The following KCNH7 variants were observed in gnomAD, a reference collection of about 807,000 sequenced individuals.
KCNH7 encodes the protein voltage-gated inwardly rectifying potassium channel KCNH7.
Under a neutral mutation model 120.8 loss-of-function variants are expected in KCNH7, and 49 were observed. The observed-to-expected ratio is 0.41, with a 90% CI of 0.32 to 0.51. The LOEUF is 0.51. KCNH7 is among the 20% of genes least tolerant of loss of function. The probability of loss-of-function intolerance (pLI) is 0.38; values close to 1 mark genes in which losing one functional copy is unlikely to be tolerated. For synonymous variants in KCNH7, 547 were observed against 516.1 expected (o/e 1.06, Z -0.81); for missense variants, 1,097 against 1,446.6 (o/e 0.76, Z 3.92).
chr2:162,751,684 TC>T (rs1688556192), intron 2 of KCNH7, among the ~76,000 whole-genome samples: 1 of 151,982 alleles, frequency 6.6e-6, no homozygotes, highest in Non-Finnish European at 1.5e-5. Flanking sequence ...ATTTATATTT[TC>T]CCATTTTAAG....
At chr2:162,504,124 GT>G (rs980399715) in intron 6 of KCNH7, among the ~76,000 whole-genome samples, 1 of 151,968 alleles carries the variant, frequency 6.6e-6, no homozygotes, top group African/African-American at 2.4e-5. Flanking sequence ...AAAAAACCAT[GT>G]TTTAATAATG....
At chr2:162,778,336 T>C (rs1683334145) in intron 2 of KCNH7, among the ~76,000 whole-genome samples, 1 of 152,200 alleles carries the variant, frequency 6.6e-6, no homozygotes, top group African/African-American at 2.4e-5. Context: ...CATTTCTGTT[T>C]GTCCACCATC....
intron 3 of KCNH7, among the ~76,000 whole-genome samples, chr2:162,519,309 A>G (rs1691434587): frequency 6.6e-6 from 1 of 151,866 alleles, no homozygotes; most frequent in Non-Finnish European, 1.5e-5. Flanking sequence ...TGGCATTTTT[A>G]TTATTTGGAA....
rs577617957 is a variant in KCNH7, at chr2:162,514,384, T to C, written c.893-1710A>G. ...AGTAACAACTGCTTGCAAGTAGTTA[T>C]AAATTATAACTGTACTTATCAAACC... On this transcript the variant is annotated intron_variant, in intron 4 of 15. Coordinates refer to ENST00000332142, the MANE Select transcript of KCNH7 (RefSeq NM_033272.4). 9.9e-5 allele frequency among the ~76,000 whole-genome samples: 15 copies of C among 151,900 alleles called. No individual in the cohort carries two copies. In the East Asian group the frequency reaches 2.7e-3, roughly 28 times the overall value.
rs920291297 is a variant in KCNH7, at chr2:162,679,417, T to C, written c.308-142337A>G. On this transcript the variant is annotated intron_variant, in intron 2 of 15. Coordinates refer to ENST00000332142, the MANE Select transcript of KCNH7 (RefSeq NM_033272.4). ...TGAGATATATTGTTTTAATTTAAAT[T>C]ATTTGCATGTTATGCTTTTGGGAAG... Among the ~76,000 whole-genome samples the C allele has an allele frequency of 3.3e-5, 5 of 151,600 alleles. No homozygotes were observed. In the Admixed American group the frequency reaches 3.3e-4, roughly 10 times the overall value.
At chr2:162,766,421 T>C (rs1682809273) in intron 2 of KCNH7, among the ~76,000 whole-genome samples, 1 of 151,932 alleles carries the variant, frequency 6.6e-6, no homozygotes, top group Admixed American at 6.6e-5. Context: ...GGCAATAGAG[T>C]CCCTTTTGTT....
chr2:162,783,062 C>G (rs1269642939), intron 2 of KCNH7, among the ~76,000 whole-genome samples: 1 of 152,268 alleles, frequency 6.6e-6, no homozygotes, highest in East Asian at 1.9e-4. Flanking sequence ...TTTCTGTTAT[C>G]CAACAGTGGC....
chr2:162,741,662 T>C (rs987986086), intron 2 of KCNH7, among the ~76,000 whole-genome samples: 13 of 152,128 alleles, frequency 8.5e-5, no homozygotes, highest in African/African-American at 2.9e-4. Flanking sequence ...AATATTTCCC[T>C]TTTAAGAAAT....
chr2:162,547,241 C>G (rs72871668), intron 2 of KCNH7, among the ~76,000 whole-genome samples: 6,962 of 152,254 alleles, frequency 0.046, 230 homozygotes, highest in Non-Finnish European at 0.07. Flanking sequence ...AATCCAATCT[C>G]TTCCCACCAG....
chr2:162,673,921 C>T (rs1368790957), intron 2 of KCNH7, among the ~76,000 whole-genome samples: 1 of 151,728 alleles, frequency 6.6e-6, no homozygotes. Flanking sequence ...AAATACCAAA[C>T]CAAAACAACA....
intron 2 of KCNH7, among the ~76,000 whole-genome samples, chr2:162,669,196 T>C (rs930942341): frequency 3.9e-5 from 6 of 151,994 alleles, no homozygotes; most frequent in Non-Finnish European, 8.8e-5. Flanking sequence ...TATTTTAGAG[T>C]TTTCTAAAAG....
At chr2:162,387,448 C>G (rs1686606899) in intron 12 of KCNH7, among the ~76,000 whole-genome samples, 1 of 151,380 alleles carries the variant, frequency 6.6e-6, no homozygotes, top group African/African-American at 2.4e-5. Context: ...TCCAGTTAAA[C>G]TGAATTATTT....
At chr2:162,517,025 G>A (rs1447178280) in intron 4 of KCNH7, among the ~76,000 whole-genome samples, 1 of 151,738 alleles carries the variant, frequency 6.6e-6, no homozygotes, top group African/African-American at 2.4e-5. Context: ...GACACAGTAA[G>A]TACTTAACCG....
At chr2:162,723,995 C>A (rs974061947) in intron 2 of KCNH7, among the ~76,000 whole-genome samples, 1 of 152,152 alleles carries the variant, frequency 6.6e-6, no homozygotes, top group Admixed American at 6.5e-5. Context: ...CTAATACCTG[C>A]AGTTTATGTT....
intron 2 of KCNH7, among the ~76,000 whole-genome samples, chr2:162,639,757 G>A (rs758815633): frequency 5.9e-5 from 9 of 151,932 alleles, no homozygotes; most frequent in East Asian, 1.9e-4. Flanking sequence ...ACAAGCATCC[G>A]GATTGGAAAG....
chr2:162,813,761 G>T (rs1559146007), intron 2 of KCNH7, among the ~76,000 whole-genome samples: 1 of 152,108 alleles, frequency 6.6e-6, no homozygotes, highest in Non-Finnish European at 1.5e-5. Flanking sequence ...AGGATTAGAA[G>T]AAATGAGTTC....
chr2:162,442,751 G>T (rs1028091218), intron 7 of KCNH7, among the ~76,000 whole-genome samples: 6 of 152,088 alleles, frequency 3.9e-5, no homozygotes, highest in Admixed American at 6.5e-5. Context: ...CAGCTCCTCA[G>T]GGGGGTGAGG....
intron 2 of KCNH7, among the ~76,000 whole-genome samples, chr2:162,596,162 C>T (rs1694372935): frequency 6.6e-6 from 1 of 151,998 alleles, no homozygotes; most frequent in Admixed American, 6.6e-5. Context: ...AATGCAACCC[C>T]TATCAAAACT....
intron 2 of KCNH7, among the ~76,000 whole-genome samples, chr2:162,580,434 A>G (rs1431929686): frequency 2.6e-5 from 4 of 152,082 alleles, no homozygotes; most frequent in African/African-American, 9.7e-5. Context: ...TGGGCTCACT[A>G]TAAGAATATG....
Sources: gnomAD v4.1 joint callset for allele counts (sites outside exome capture counted in the v4.1 genomes callset) on GRCh38, gnomAD v4.1.1 for gene constraint, MANE v1.5 for transcripts, NCBI Gene and HGNC (gene_info 2026-07-23, HGNC 2026-07-21) for gene names.